Variants in CCR9 observed in about 807,000 individuals in gnomAD.
CCR9 encodes C-C chemokine receptor type 9.
In CCR9, 4 loss-of-function variants were observed where a neutral mutation model predicts 8.7. That is an observed-to-expected ratio of 0.46 (90% CI 0.23 to 1.06). CCR9 has a LOEUF of 1.06. CCR9 is among the 50% of genes least tolerant of loss of function. The pLI, the probability that CCR9 is intolerant of heterozygous loss-of-function variation, is 0.21. For missense variants in CCR9, 394 were observed against 453.6 expected (o/e 0.87, Z 1.19); for synonymous variants, 159 against 168.8 (o/e 0.94, Z 0.45).
rs764365883 is a variant in CCR9, at chr3:45,901,014, T to C, written c.226T>C (p.Cys76Arg). 1.9e-6 allele frequency: 3 copies of C among 1,614,130 alleles called. No individual in the cohort carries two copies. The African/African-American group carries it at 4.0e-5, about 22-fold the overall frequency. The change falls in exon 3 of 3, where the codon TGC becomes CGC. Residue 76 changes from cysteine to arginine, a missense_variant. Coordinates refer to ENST00000357632, the MANE Select transcript of CCR9 (RefSeq NM_031200.3). This position sits in a 1 kb window ranked among gnomAD's most constrained non-coding sequence, Gnocchi z 4.3. ...TCTTGTTATCCTTGTCTACTGGTAC[T>C]GCACAAGAGTGAAGACCATGACCGA... The part of the protein sequence containing the change: ...NSLVILVYWY[C>R]TRVKTMTDMF...
At position 45,901,521 on chromosome 3, in the gene CCR9, A is replaced by G. The variant is rs199702895; in HGVS notation, c.733A>G (p.Lys245Glu). 1 of 1,614,184 alleles carries G rather than the reference A, an allele frequency of 6.2e-7. No individual in the cohort carries two copies. Among genetic ancestry groups the G allele is most frequent in the Non-Finnish European group, 8.5e-7 (1 of 1,180,020 alleles). Residue 245 changes from lysine to glutamate, a missense_variant, in exon 3 of 3, where the codon AAG becomes GAG. By Grantham distance (56) the Lys-to-Glu change is moderately conservative. Coordinates refer to ENST00000357632, the MANE Select transcript of CCR9 (RefSeq NM_031200.3). The surrounding 1 kb of genome is among the most constrained non-coding windows in gnomAD (Gnocchi z 4.3). ...CATCATTCACACCCTGATACAAGCC[A>G]AGAAGTCTTCCAAGCACAAAGCCCT... ...TIIIHTLIQA[K>E]KSSKHKALKV...
At position 45,900,249 on chromosome 3, in the gene CCR9, G is replaced by T. The variant is rs1702506478; in HGVS notation, c.22-561G>T. On this transcript the variant is annotated intron_variant, in intron 2 of 2. Transcript: ENST00000357632. This position sits in a 1 kb window ranked among gnomAD's most constrained non-coding sequence, Gnocchi z 4.7. ...TGCTTGTGTGTGTATGTAGGGTTGA[G>T]AGTGTCTGTGTGTGTATGTGTATGT... Among the ~76,000 whole-genome samples, 1 of 152,140 alleles carries T rather than the reference G, an allele frequency of 6.6e-6. No homozygotes were observed. Among genetic ancestry groups the T allele is most frequent in the Admixed American group, 6.5e-5 (1 of 15,276 alleles).
intron 2 of CCR9, among the ~76,000 whole-genome samples, chr3:45,896,005 T>C (rs1363371404): frequency 6.6e-6 from 1 of 152,230 alleles, no homozygotes. Context: ...TGAAACAGTT[T>C]ATCAACTAAA....
intron 1 of CCR9, among the ~76,000 whole-genome samples, chr3:45,892,365 G>C (rs1164302819): frequency 6.6e-6 from 1 of 152,082 alleles, no homozygotes; most frequent in Non-Finnish European, 1.5e-5. Flanking sequence ...ATACATCATG[G>C]AATACTACAC....
intron 2 of CCR9, among the ~76,000 whole-genome samples, chr3:45,899,814 AG>A (rs1481881319): frequency 2.0e-5 from 3 of 152,174 alleles, no homozygotes; most frequent in African/African-American, 4.8e-5. Context: ...GTTTGACTCA[AG>A]GGCTTACATC....
chr3:45,892,091 A>G (rs1292596451), intron 1 of CCR9, among the ~76,000 whole-genome samples: 2 of 152,120 alleles, frequency 1.3e-5, no homozygotes, highest in African/African-American at 4.8e-5. Flanking sequence ...AGATTCCAAG[A>G]TCAGGGCACT....
chr3:45,897,524 G>T lies in CCR9; in HGVS notation c.21+2570G>T, dbSNP rs17764980. ...AGAAAGCTGGGTCACCCAGGTCCTG[G>T]GATTTCTGCACAATTTCTCCCATTC... On this transcript the variant is annotated intron_variant, in intron 2 of 2. Coordinates refer to ENST00000357632, the MANE Select transcript of CCR9 (RefSeq NM_031200.3). The T allele has an allele frequency of 2.1e-6, 3 of 1,416,452 alleles. No homozygotes were observed. In the African/African-American group the frequency reaches 4.2e-5, roughly 20 times the overall value. 87.7% of individuals were successfully genotyped at this position (1,416,452 alleles called of 1,614,324 possible). A position where few individuals can be genotyped will look rare whatever the true frequency, so the allele number is the denominator to read the frequency against.
intron 1 of CCR9, among the ~76,000 whole-genome samples, chr3:45,892,745 C>A (rs1337640363): frequency 1.3e-5 from 2 of 151,912 alleles, no homozygotes; most frequent in African/African-American, 4.8e-5. Context: ...AAAAACAAAC[C>A]AAAACAAAAA....
Position 45,901,152 on chromosome 3 carries a change from G to A in CCR9, c.364G>A (p.Val122Ile). 6.2e-7 allele frequency: 1 copy of A among 1,614,166 alleles called. No homozygotes were observed. The highest frequency in any genetic ancestry group is 8.5e-7 in the Non-Finnish European group (1 of 1,180,028). ...GTTCCAGACCTTCATGTGCAAGGTGGTCAACAGCATGTACAAGATGAACTT... is the reference window on the plus strand; with the variant it reads ...GTTCCAGACCTTCATGTGCAAGGTGATCAACAGCATGTACAAGATGAACTT... Reference protein sequence around the residue: ...WKFQTFMCKVVNSMYKMNFYS... With the variant: ...WKFQTFMCKVINSMYKMNFYS... Residue 122 changes from valine to isoleucine, a missense_variant, in exon 3 of 3, where the codon GTC (valine) becomes ATC (isoleucine). Coordinates refer to ENST00000357632, the MANE Select transcript of CCR9 (RefSeq NM_031200.3). The surrounding 1 kb of genome is among the most constrained non-coding windows in gnomAD (Gnocchi z 4.3).
rs773679186 is a variant in CCR9 at position 45,901,859 on chromosome 3, T to A, written c.1071T>A (p.Ser357=). ...GAGAGGGAAGCTTGAAGCTGTCGTC[T>A]ATGTTGCTGGAGACAACCTCAGGAG... ...TRREGSLKLS[S]MLLETTSGAL... is the part of the protein sequence containing the mutation. Residue 357 remains serine (S), a synonymous_variant, in exon 3 of 3, where the codon TCT becomes TCA. Transcript: ENST00000357632. The surrounding 1 kb of genome is among the most constrained non-coding windows in gnomAD (Gnocchi z 4.3). The A allele has an allele frequency of 3.7e-6, 6 of 1,609,776 alleles. No homozygotes were observed. In the Admixed American group the frequency reaches 1.0e-4, roughly 27 times the overall value.
In CCR9 at chr3:45,893,831, T is replaced by C. The variant is rs546907818; in HGVS notation, c.-28-1075T>C. Among the ~76,000 whole-genome samples the C allele has an allele frequency of 5.4e-4, 83 of 152,330 alleles. 1 individual carries two copies. In the South Asian group the frequency reaches 0.017, roughly 32 times the overall value. On this transcript the variant is annotated intron_variant, in intron 1 of 2. Transcript: ENST00000357632. ...TTAGGAGTGGGATGACTGGATCACATGGTGAGTGCATGTATAACGTCTTAA... is the reference window on the plus strand; with the variant it reads ...TTAGGAGTGGGATGACTGGATCACACGGTGAGTGCATGTATAACGTCTTAA...
In CCR9 at chr3:45,888,271, C is replaced by T. The variant is rs1251414308; in HGVS notation, c.-29+1616C>T. Reference sequence around the variant, plus strand: ...ACCCTGGAGCAATGTTCCCTCCCCTCGTTGCATGTCTCCATGCTCTTCGGC... The same window carrying T: ...ACCCTGGAGCAATGTTCCCTCCCCTTGTTGCATGTCTCCATGCTCTTCGGC... On this transcript the variant is annotated intron_variant, in intron 1 of 2. Transcript: ENST00000357632. Among the ~76,000 whole-genome samples, 5 of 152,200 alleles carry T rather than the reference C, an allele frequency of 3.3e-5. 1 individual carries two copies. The highest frequency in any genetic ancestry group is 4.1e-4 in the South Asian group (2 of 4,836).
intron 2 of CCR9, 127 bp downstream of exon 2, chr3:45,895,081 C>T: frequency 2.0e-6 from 2 of 1,014,560 alleles, no homozygotes; most frequent in Non-Finnish European, 3.1e-6. Context: ...AGATCTCTGC[C>T]TGGCAATGCG....
rs200422187 is a variant in CCR9 at position 45,901,137 on chromosome 3, T to A, written c.349T>A (p.Phe117Ile). 10 of 1,614,086 alleles carry A rather than the reference T, an allele frequency of 6.2e-6. No homozygotes were observed. The African/African-American group carries it at 1.1e-4, about 17-fold the overall frequency. The change falls in exon 3 of 3, where the codon TTC becomes ATC. Residue 117 changes from phenylalanine to isoleucine, a missense_variant. Transcript: ENST00000357632. This position sits in a 1 kb window ranked among gnomAD's most constrained non-coding sequence, Gnocchi z 4.3. Reference sequence around the variant, plus strand: ...TGCTGACCAGTGGAAGTTCCAGACCTTCATGTGCAAGGTGGTCAACAGCAT... The same window carrying A: ...TGCTGACCAGTGGAAGTTCCAGACCATCATGTGCAAGGTGGTCAACAGCAT... Reference protein sequence around the residue: ...AAADQWKFQTFMCKVVNSMYK... With the variant: ...AAADQWKFQTIMCKVVNSMYK...
At chr3:45,893,775 A>C (rs1036942697) in intron 1 of CCR9, among the ~76,000 whole-genome samples, 1 of 152,216 alleles carries the variant, frequency 6.6e-6, no homozygotes, top group African/African-American at 2.4e-5. Flanking sequence ...CTTTATGGGG[A>C]CATATACTTA....
chr3:45,901,515 C>A lies in CCR9; in HGVS notation c.727C>A (p.Gln243Lys), dbSNP rs1254877465. 6.2e-7 allele frequency: 1 copy of A among 1,614,216 alleles called. No individual in the cohort carries two copies. The highest frequency in any genetic ancestry group is 1.3e-5 in the African/African-American group (1 of 75,054). ...CYTIIIHTLI[Q>K]AKKSSKHKAL... ...TACCATCATCATTCACACCCTGATA[C>A]AAGCCAAGAAGTCTTCCAAGCACAA... The change falls in exon 3 of 3, where the codon CAA becomes AAA. Residue 243 changes from glutamine to lysine, a missense_variant. By Grantham distance (53) the Gln-to-Lys change is moderately conservative (BLOSUM62 1). Coordinates refer to ENST00000357632, the MANE Select transcript of CCR9 (RefSeq NM_031200.3). The surrounding 1 kb of genome is among the most constrained non-coding windows in gnomAD (Gnocchi z 4.3).
intron 2 of CCR9, among the ~76,000 whole-genome samples, chr3:45,898,557 C>G (rs1349123337): frequency 6.6e-6 from 1 of 152,224 alleles, no homozygotes; most frequent in Admixed American, 6.5e-5. Context: ...GCTCCTGGGT[C>G]CCTCTCTTTG....
At chr3:45,893,076 A>T (rs1045794220) in intron 1 of CCR9, among the ~76,000 whole-genome samples, 1 of 152,014 alleles carries the variant, frequency 6.6e-6, no homozygotes, top group African/African-American at 2.4e-5. Context: ...GACAGTGAAC[A>T]TATTTATCCC....
chr3:45,894,763 A>G, intron 1 of CCR9, 143 bp from the exon 2 acceptor site: 1 of 656,084 alleles, frequency 1.5e-6, no homozygotes, highest in Non-Finnish European at 2.7e-6. Flanking sequence ...AATCTAGAAT[A>G]CTATATAGAC....
Sources: allele counts gnomAD v4.1 joint callset (sites outside exome capture counted in the v4.1 genomes callset), GRCh38; gene constraint gnomAD v4.1.1; non-coding constraint Gnocchi (gnomAD v3.1); transcripts MANE v1.5; gene names NCBI Gene and HGNC (gene_info 2026-07-23, HGNC 2026-07-21).